Variants in PPFIBP1 observed in about 807,000 individuals in gnomAD.
PPFIBP1 encodes the protein liprin-beta-1.
Under a neutral mutation model 137.8 loss-of-function variants are expected in PPFIBP1, and 112 were observed. The ratio of observed to expected loss-of-function variants is 0.81; its 90% CI spans 0.70 to 0.95. The LOEUF is 0.95. PPFIBP1 is among the 40% of genes least tolerant of loss of function. The pLI is 0.00. For missense variants in PPFIBP1, 1,083 were observed against 1,196.6 expected, an observed-to-expected ratio of 0.91 and a Z score of 1.40; for synonymous variants, 378 against 417.3, an observed-to-expected ratio of 0.91 and a Z score of 1.15.
chr12:27,578,813 C>G (rs948150854), intron 2 of PPFIBP1, among the ~76,000 whole-genome samples: 5 of 152,166 alleles, frequency 3.3e-5, no homozygotes, highest in African/African-American at 9.7e-5. Flanking sequence ...TGCCGTGTAC[C>G]AGGCATGGCC....
At chr12:27,529,108 G>A (rs1045890877) in intron 1 of PPFIBP1, among the ~76,000 whole-genome samples, 3 of 152,196 alleles carry the variant, frequency 2.0e-5, no homozygotes, top group Non-Finnish European at 2.9e-5. Context: ...CTGAGTATCC[G>A]TCATTCTGGC....
At chr12:27,546,362 A>C (rs1048144205) in intron 1 of PPFIBP1, among the ~76,000 whole-genome samples, 2 of 152,212 alleles carry the variant, frequency 1.3e-5, no homozygotes, top group Non-Finnish European at 2.9e-5. Flanking sequence ...CACATGTAAA[A>C]TGCTGTAAAA....
chr12:27,593,853 TC>T, intron 2 of PPFIBP1: 2 of 1,402,730 alleles, frequency 1.4e-6, no homozygotes, highest in Non-Finnish European at 9.5e-7. Flanking sequence ...ATCCTTTCAG[TC>T]CCCCATGCCC....
chr12:27,542,784 G>T (rs556225420), intron 1 of PPFIBP1, among the ~76,000 whole-genome samples: 4 of 152,058 alleles, frequency 2.6e-5, no homozygotes, highest in African/African-American at 9.7e-5. Flanking sequence ...AGAGAATTGC[G>T]TGATGACTCC....
intron 1 of PPFIBP1, among the ~76,000 whole-genome samples, chr12:27,576,852 G>A (rs2050610602): frequency 6.6e-6 from 1 of 152,204 alleles, no homozygotes; most frequent in Admixed American, 6.5e-5. Context: ...GCCCATGGCT[G>A]CACATCCACT....
intron 1 of PPFIBP1, among the ~76,000 whole-genome samples, chr12:27,575,887 G>C (rs2050515344): frequency 6.6e-6 from 1 of 152,204 alleles, no homozygotes; most frequent in African/African-American, 2.4e-5. Context: ...AATGACTAAA[G>C]TCTCTTCATT....
intron 24 of PPFIBP1, among the ~76,000 whole-genome samples, chr12:27,687,131 C>T (rs1187839535): frequency 1.3e-5 from 2 of 152,148 alleles, no homozygotes; most frequent in East Asian, 3.9e-4. Flanking sequence ...TTTTCAGAGC[C>T]CTGGGGTTCT....
chr12:27,541,093 AC>A (rs2136004040), intron 1 of PPFIBP1, among the ~76,000 whole-genome samples: 1 of 152,214 alleles, frequency 6.6e-6, no homozygotes, highest in South Asian at 2.1e-4. Context: ...ACTAAAATGA[AC>A]CCTTACTGCT....
intron 7 of PPFIBP1, among the ~76,000 whole-genome samples, chr12:27,653,402 A>G (rs1593155897): frequency 6.6e-6 from 1 of 152,052 alleles, no homozygotes; most frequent in African/African-American, 2.4e-5. Flanking sequence ...CCAGGTCAAC[A>G]TGGTAAAACC....
rs138342867 is a variant in PPFIBP1, at chr12:27,692,346, C to T, written c.2866-245C>T. 2.4e-4 allele frequency among the ~76,000 whole-genome samples: 36 copies of T among 152,322 alleles called. No homozygotes were observed. The East Asian group carries it at 5.0e-3, about 21-fold the overall frequency. Reference sequence around the variant, plus strand: ...AAAGTCGTGGGACCGCATATTTCCCCTCTAATCAACAATGCTTTGCTACTA... The same window carrying T: ...AAAGTCGTGGGACCGCATATTTCCCTTCTAATCAACAATGCTTTGCTACTA... On this transcript the variant is annotated intron_variant, in intron 28 of 29. Transcript: ENST00000228425.
chr12:27,540,128 G>C (rs1447277740), intron 1 of PPFIBP1, among the ~76,000 whole-genome samples: 2 of 149,988 alleles, frequency 1.3e-5, no homozygotes, highest in Non-Finnish European at 3.0e-5. Context: ...TGTGATTATA[G>C]CTTACTGCAG....
intron 4 of PPFIBP1, among the ~76,000 whole-genome samples, chr12:27,642,916 C>T (rs373804689): frequency 2.0e-4 from 31 of 151,392 alleles, no homozygotes; most frequent in South Asian, 1.0e-3. Context: ...GCCTGCAGGA[C>T]GAAAGAAAGG....
intron 4 of PPFIBP1, among the ~76,000 whole-genome samples, chr12:27,640,008 C>T (rs547569325): frequency 1.3e-5 from 2 of 152,290 alleles, no homozygotes; most frequent in African/African-American, 4.8e-5. Flanking sequence ...CAAGGTACAT[C>T]TTAAGATTGT....
At chr12:27,553,935 A>G (rs993014897) in intron 1 of PPFIBP1, among the ~76,000 whole-genome samples, 1 of 152,226 alleles carries the variant, frequency 6.6e-6, no homozygotes, top group Non-Finnish European at 1.5e-5. Flanking sequence ...GTTTATAAGC[A>G]ACTCTTGCTA....
At chr12:27,686,880 A>T (rs999293717) in intron 24 of PPFIBP1, among the ~76,000 whole-genome samples, 14 of 152,148 alleles carry the variant, frequency 9.2e-5, no homozygotes, top group Non-Finnish European at 1.8e-4. Flanking sequence ...TCCAAAAAAA[A>T]AAAAGATGAA....
chr12:27,530,277 G>A (rs1227429257), intron 1 of PPFIBP1, among the ~76,000 whole-genome samples: 20 of 152,260 alleles, frequency 1.3e-4, no homozygotes, highest in South Asian at 4.1e-4. Flanking sequence ...GTGGGTTCTC[G>A]AAATTAACTC....
intron 1 of PPFIBP1, among the ~76,000 whole-genome samples, chr12:27,531,152 C>G (rs1944373530): frequency 6.6e-6 from 1 of 152,152 alleles, no homozygotes; most frequent in African/African-American, 2.4e-5. Context: ...AGATCCTCAA[C>G]TTGAATCCTG....
intron 2 of PPFIBP1, among the ~76,000 whole-genome samples, chr12:27,589,970 T>C (rs189681113): frequency 3.0e-4 from 46 of 152,368 alleles, no homozygotes; most frequent in Admixed American, 2.7e-3. Context: ...ACTTGATGGC[T>C]ATGTTCTCTT....
At chr12:27,541,114 T>C (rs1274710582) in intron 1 of PPFIBP1, among the ~76,000 whole-genome samples, 1 of 152,196 alleles carries the variant, frequency 6.6e-6, no homozygotes, top group Non-Finnish European at 1.5e-5. Context: ...TCTGGAAGTC[T>C]CTATTCTGAA....
Sources: allele counts gnomAD v4.1 joint callset (sites outside exome capture counted in the v4.1 genomes callset), GRCh38; gene constraint gnomAD v4.1.1; transcripts MANE v1.5; gene names NCBI Gene and HGNC (gene_info 2026-07-23, HGNC 2026-07-21).